The following PDE4D variants were observed in gnomAD, a reference collection of about 807,000 sequenced individuals.
PDE4D encodes the protein 3',5'-cyclic-AMP phosphodiesterase 4D.
Under a neutral mutation model 87.4 loss-of-function variants are expected in PDE4D, and 24 were observed. The ratio of observed to expected loss-of-function variants is 0.27; its 90% CI spans 0.20 to 0.39. PDE4D has a LOEUF of 0.39. Among genes scored for constraint, PDE4D ranks in the 10% least tolerant of loss-of-function variants. The probability of loss-of-function intolerance (pLI) is 1.00; values close to 1 mark genes in which losing one functional copy is unlikely to be tolerated. For missense variants in PDE4D, 714 were observed against 1,041.0 expected (o/e 0.69, Z 4.32); for synonymous variants, 384 against 383.2 (o/e 1.00, Z -0.02).
chr5:59,866,390 T>C (rs1336622482), intron 1 of PDE4D, among the ~76,000 whole-genome samples: 2 of 152,204 alleles, frequency 1.3e-5, no homozygotes, highest in Non-Finnish European at 2.9e-5. Flanking sequence ...TGCTTTTTCA[T>C]ATATATTGCA....
chr5:60,097,182 G>C (rs17376568), intron 2 of PDE4D, among the ~76,000 whole-genome samples: 10,028 of 151,920 alleles, frequency 0.066, 434 homozygotes, highest in South Asian at 0.16. Context: ...AAATAGGAAT[G>C]AAAAACATGT....
intron 1 of PDE4D, among the ~76,000 whole-genome samples, chr5:60,354,965 G>T (rs1759498193): frequency 6.6e-6 from 1 of 152,128 alleles, no homozygotes; most frequent in Non-Finnish European, 1.5e-5. Context: ...CTGGTGGTAA[G>T]GGCTATATAC....
chr5:59,515,480 TAAAAATTGGAATGG>T (rs911263265), intron 1 of PDE4D, among the ~76,000 whole-genome samples: 1 of 152,052 alleles, frequency 6.6e-6, no homozygotes, highest in African/African-American at 2.4e-5. Flanking sequence ...ATATAGAGTA[TAAAAATTGGAATGG>T]AAGAAACAAA....
At chr5:59,211,826 A>C (rs1750146620) in intron 2 of PDE4D, among the ~76,000 whole-genome samples, 1 of 152,116 alleles carries the variant, frequency 6.6e-6, no homozygotes, top group Admixed American at 6.5e-5. Flanking sequence ...ATAGAGGATA[A>C]GATGACGATA....
chr5:59,679,126 C>T (rs529155190), intron 1 of PDE4D, among the ~76,000 whole-genome samples: 1 of 152,276 alleles, frequency 6.6e-6, no homozygotes, highest in East Asian at 1.9e-4. Flanking sequence ...ACTTTTAACT[C>T]ATGATATGTA....
intron 1 of PDE4D, among the ~76,000 whole-genome samples, chr5:59,630,026 G>A (rs886970344): frequency 5.3e-5 from 8 of 152,082 alleles, no homozygotes; most frequent in East Asian, 1.9e-4. Context: ...TGTCTATACC[G>A]TAGTTTCAGT....
chr5:59,437,510 C>T (rs916374763), intron 1 of PDE4D, among the ~76,000 whole-genome samples: 4 of 152,114 alleles, frequency 2.6e-5, no homozygotes, highest in African/African-American at 9.7e-5. Flanking sequence ...AATAATCATG[C>T]TGCAAGTTCT....
At chr5:59,538,534 G>A (rs903525580) in intron 1 of PDE4D, among the ~76,000 whole-genome samples, 1 of 152,094 alleles carries the variant, frequency 6.6e-6, no homozygotes, top group African/African-American at 2.4e-5. Flanking sequence ...TATTTCCTAA[G>A]TAGCTATTTC....
intron 4 of PDE4D, among the ~76,000 whole-genome samples, chr5:59,182,219 G>A (rs1427425827): frequency 6.6e-6 from 1 of 151,482 alleles, no homozygotes; most frequent in Admixed American, 6.6e-5. Context: ...AAATAGCTCT[G>A]GTCTATATAC....
At chr5:60,069,108 A>G (rs1351388130) in intron 2 of PDE4D, among the ~76,000 whole-genome samples, 2 of 152,152 alleles carry the variant, frequency 1.3e-5, no homozygotes, top group Non-Finnish European at 2.9e-5. Context: ...AGACTCTCCA[A>G]TCTCTATGTG....
At chr5:59,196,766 A>T (rs993875172) in intron 2 of PDE4D, among the ~76,000 whole-genome samples, 1 of 152,188 alleles carries the variant, frequency 6.6e-6, no homozygotes. Context: ...AGGTGTATAT[A>T]CTACATATAT....
intron 1 of PDE4D, among the ~76,000 whole-genome samples, chr5:59,884,293 T>C (rs556355168): frequency 2.1e-4 from 32 of 150,732 alleles, no homozygotes; most frequent in African/African-American, 6.1e-4. Flanking sequence ...CACACACACA[T>C]ATATATATAC....
At chr5:60,325,164 C>A (rs1239054488) in intron 1 of PDE4D, among the ~76,000 whole-genome samples, 2 of 152,186 alleles carry the variant, frequency 1.3e-5, no homozygotes, top group African/African-American at 4.8e-5. Flanking sequence ...TACATTGCCT[C>A]TATTATTCCC....
intron 3 of PDE4D, among the ~76,000 whole-genome samples, chr5:59,963,359 C>T (rs1284085310): frequency 6.6e-6 from 1 of 152,170 alleles, no homozygotes; most frequent in Non-Finnish European, 1.5e-5. Context: ...TTGACCTGAA[C>T]TGTTCTCCAG....
intron 1 of PDE4D, among the ~76,000 whole-genome samples, chr5:60,397,911 A>C (rs755094649): frequency 1.3e-5 from 2 of 152,226 alleles, no homozygotes; most frequent in Non-Finnish European, 2.9e-5. Flanking sequence ...CAATTTGTTC[A>C]TAGAGTTTAG....
At chr5:60,157,910 TTCCTTC>T (rs1782128572) in intron 2 of PDE4D, among the ~76,000 whole-genome samples, 2 of 151,240 alleles carry the variant, frequency 1.3e-5, no homozygotes, top group African/African-American at 4.9e-5. Context: ...CCTTCCTTCC[TTCCTTC>T]CTTCCTTCCC....
chr5:59,016,607 T>C (rs921371165), intron 6 of PDE4D, among the ~76,000 whole-genome samples: 2 of 152,146 alleles, frequency 1.3e-5, no homozygotes, highest in Admixed American at 6.6e-5. Flanking sequence ...CTGTAATACA[T>C]ATTCTTTCTT....
intron 1 of PDE4D, among the ~76,000 whole-genome samples, chr5:60,202,177 T>G (rs1741991833): frequency 6.6e-6 from 1 of 152,198 alleles, no homozygotes; most frequent in African/African-American, 2.4e-5. Flanking sequence ...ATTTTATTTA[T>G]CTATTTATTT....
At position 60,005,986 on chromosome 5, in the gene PDE4D, C is replaced by A. The variant is rs576325250; in HGVS notation, c.43-17269G>T. ...ATAAAATTGTTTTAAAAATCAGCTA[C>A]ATTTGATAATAAGAAATTATTAGGA... On this transcript the variant is annotated intron_variant, in intron 2 of 16. Transcript: ENST00000502484. Among the ~76,000 whole-genome samples the A allele has an allele frequency of 1.1e-3, 171 of 151,988 alleles. 3 individuals carry two copies. The highest frequency in any genetic ancestry group is 3.9e-3 in the African/African-American group (162 of 41,528).
Sources: gnomAD v4.1 joint callset for allele counts (sites outside exome capture counted in the v4.1 genomes callset) on GRCh38, gnomAD v4.1.1 for gene constraint, MANE v1.5 for transcripts, NCBI Gene and HGNC (gene_info 2026-07-23, HGNC 2026-07-21) for gene names.